The following CADM2 variants were observed in gnomAD, a reference collection of about 807,000 sequenced individuals.
The protein encoded by CADM2 is immunoglobulin superfamily member 4D.
A neutral mutation model predicts 49.8 loss-of-function variants in CADM2; 12 were observed. The observed-to-expected ratio is 0.24, with a 90% CI of 0.15 to 0.39. The LOEUF (loss-of-function observed/expected upper bound fraction) is 0.39. Among genes scored for constraint, CADM2 ranks in the 10% least tolerant of loss-of-function variants. The pLI is 1.00. For synonymous variants in CADM2, 214 were observed against 175.4 expected, an observed-to-expected ratio of 1.22 and a Z score of -1.74; for missense variants, 378 against 492.3, an observed-to-expected ratio of 0.77 and a Z score of 2.20.
chr3:86,039,138 G>C lies in CADM2; in HGVS notation c.971-26467G>C, dbSNP rs531103152. Among the ~76,000 whole-genome samples, 12 of 152,238 alleles carry C rather than the reference G, an allele frequency of 7.9e-5. No homozygotes were observed. The South Asian group carries it at 2.5e-3, about 32-fold the overall frequency. ...AGCTCCAGTCTACAGCTCCCAGCAT[G>C]AGCGACGCAGAAGATGGGTGATTTC... On this transcript the variant is annotated intron_variant, in intron 8 of 9. Coordinates refer to ENST00000383699, the MANE Select transcript of CADM2 (RefSeq NM_001167675.2).
At chr3:85,941,153 C>G (rs1019854348) in intron 7 of CADM2, among the ~76,000 whole-genome samples, 1 of 152,018 alleles carries the variant, frequency 6.6e-6, no homozygotes, top group African/African-American at 2.4e-5. Flanking sequence ...TGTCGGCCTC[C>G]AAGTAATTGT....
chr3:85,359,666 A>ATATATATATTTTTTTTT, intron 1 of CADM2, among the ~76,000 whole-genome samples: 21 of 26,550 alleles, frequency 7.9e-4, no homozygotes, highest in East Asian at 1.3e-3. Context: ...ATATATATAT[A>ATATATATATTTTTTTTT]TTTTTTTTTT....
rs190930141 is a variant in CADM2 at position 85,231,861 on chromosome 3, C to T, written c.61+272193C>T. Among the ~76,000 whole-genome samples the T allele has an allele frequency of 4.6e-5, 7 of 151,384 alleles. No individual in the cohort carries two copies. In the East Asian group the frequency reaches 5.9e-4, roughly 13 times the overall value. On this transcript the variant is annotated intron_variant, in intron 1 of 9. Coordinates refer to ENST00000383699, the MANE Select transcript of CADM2 (RefSeq NM_001167675.2). Reference sequence around the variant, plus strand: ...CCAAGTAGCAGGGATTACAGGTGCCCGCACCACACCCGACTAATTTTTGTA... The same window carrying T: ...CCAAGTAGCAGGGATTACAGGTGCCTGCACCACACCCGACTAATTTTTGTA...
chr3:85,773,155 A>G (rs1369261857), intron 2 of CADM2, among the ~76,000 whole-genome samples: 1 of 150,536 alleles, frequency 6.6e-6, no homozygotes, highest in Non-Finnish European at 1.5e-5. Context: ...TCTTCTTAAA[A>G]CACAAAACAA....
chr3:85,614,378 A>G (rs1231876526), intron 1 of CADM2, among the ~76,000 whole-genome samples: 7 of 151,712 alleles, frequency 4.6e-5, no homozygotes, highest in African/African-American at 1.7e-4. Flanking sequence ...ATATATATAC[A>G]CATATATATA....
At chr3:85,199,895 T>C (rs7633956) in intron 1 of CADM2, among the ~76,000 whole-genome samples, 102,571 of 151,842 alleles carry the variant, frequency 0.68, 35,523 homozygotes, top group African/African-American at 0.82. Context: ...GGTGATTTTT[T>C]AGCTGCTTAT....
chr3:85,147,260 A>C (rs572204489), intron 1 of CADM2, among the ~76,000 whole-genome samples: 23 of 129,866 alleles, frequency 1.8e-4, no homozygotes, highest in African/African-American at 5.7e-4. Flanking sequence ...TGGGCGACAG[A>C]GCCAGACTCT....
chr3:85,812,446 C>T (rs1014496137), intron 3 of CADM2, among the ~76,000 whole-genome samples: 1 of 152,080 alleles, frequency 6.6e-6, no homozygotes, highest in Non-Finnish European at 1.5e-5. Flanking sequence ...ATACTGATTT[C>T]TGGTGACATA....
chr3:85,568,349 G>A (rs1368156035), intron 1 of CADM2, among the ~76,000 whole-genome samples: 2 of 152,120 alleles, frequency 1.3e-5, no homozygotes, highest in East Asian at 3.9e-4. Flanking sequence ...AGAAGGCAGA[G>A]CCAGTAAAGA....
At chr3:85,736,664 G>A (rs1017980931) in intron 2 of CADM2, among the ~76,000 whole-genome samples, 3 of 151,850 alleles carry the variant, frequency 2.0e-5, no homozygotes, top group Non-Finnish European at 4.4e-5. Context: ...TTATTTCCTT[G>A]TTTGCTTTTT....
chr3:85,970,826 T>G (rs1281518918), intron 8 of CADM2, among the ~76,000 whole-genome samples: 1 of 151,530 alleles, frequency 6.6e-6, no homozygotes, highest in Non-Finnish European at 1.5e-5. Flanking sequence ...ATTTATATAT[T>G]AAATGAGAAG....
chr3:85,950,371 A>T (rs1723289923), intron 7 of CADM2, among the ~76,000 whole-genome samples: 1 of 151,226 alleles, frequency 6.6e-6, no homozygotes, highest in African/African-American at 2.4e-5. Flanking sequence ...CTTTCAATGC[A>T]AAAATCTGTA....
intron 7 of CADM2, among the ~76,000 whole-genome samples, chr3:85,940,644 C>G (rs1288248018): frequency 6.6e-6 from 1 of 152,006 alleles, no homozygotes; most frequent in Non-Finnish European, 1.5e-5. Flanking sequence ...ATATAGAAAA[C>G]CTCTAATTAA....
intron 3 of CADM2, among the ~76,000 whole-genome samples, chr3:85,847,291 A>T (rs2074924264): frequency 6.6e-6 from 1 of 152,212 alleles, no homozygotes; most frequent in African/African-American, 2.4e-5. Flanking sequence ...GTCATCAATG[A>T]TATGTTTTCC....
chr3:85,802,788 G>GA lies in CADM2; in HGVS notation c.238+598dup, dbSNP rs200653147. The stretch of plus-strand genomic sequence containing the variant: ...ATAGATTTTGATTAAACATTCCAGA[G>GA]AAAAAAGGAAATTCATCTTACGTAA... On this transcript the variant is annotated intron_variant, in intron 3 of 9. Transcript: ENST00000383699. 5.3e-5 allele frequency among the ~76,000 whole-genome samples: 8 copies of GA among 151,922 alleles called. No homozygotes were observed. In the East Asian group the frequency reaches 1.5e-3, roughly 29 times the overall value.
chr3:85,294,780 A>G (rs1450345736), intron 1 of CADM2, among the ~76,000 whole-genome samples: 1 of 152,120 alleles, frequency 6.6e-6, no homozygotes, highest in Non-Finnish European at 1.5e-5. Flanking sequence ...ACCTTATACA[A>G]AAATCAATTC....
At chr3:85,390,760 G>T (rs1216054053) in intron 1 of CADM2, among the ~76,000 whole-genome samples, 1 of 151,966 alleles carries the variant, frequency 6.6e-6, no homozygotes, top group Non-Finnish European at 1.5e-5. Context: ...TTTTTCTCAA[G>T]TCTCAACTAG....
At chr3:86,011,983 C>T (rs1050843425) in intron 8 of CADM2, among the ~76,000 whole-genome samples, 10 of 151,742 alleles carry the variant, frequency 6.6e-5, no homozygotes, top group Admixed American at 5.9e-4. Context: ...GTATTGGATA[C>T]TATTAAGAAG....
chr3:85,344,488 A>AG (rs1346827050), intron 1 of CADM2, among the ~76,000 whole-genome samples: 1 of 151,956 alleles, frequency 6.6e-6, no homozygotes, highest in Non-Finnish European at 1.5e-5. Flanking sequence ...TGTAAAGACC[A>AG]GGGGGGTGTT....
Sources: gnomAD v4.1 joint callset for allele counts (sites outside exome capture counted in the v4.1 genomes callset) on GRCh38, gnomAD v4.1.1 for gene constraint, MANE v1.5 for transcripts, NCBI Gene and HGNC (gene_info 2026-07-23, HGNC 2026-07-21) for gene names.